KCTD8: variants seen among roughly 807,000 people sequenced by gnomAD.
The protein encoded by KCTD8 is BTB/POZ domain-containing protein KCTD8.
A neutral mutation model predicts 31.5 loss-of-function variants in KCTD8; 27 were observed. That is an observed-to-expected ratio of 0.86 (90% CI 0.63 to 1.18). The LOEUF is 1.18. Among genes scored for constraint, KCTD8 ranks in the 50% most tolerant of loss-of-function variants. The pLI is 0.00. For synonymous variants in KCTD8, 290 were observed against 280.0 expected (o/e 1.04, Z -0.36); for missense variants, 658 against 647.7 (o/e 1.02, Z -0.17).
intron 1 of KCTD8, among the ~76,000 whole-genome samples, chr4:44,308,462 G>A (rs1471948146): frequency 6.6e-6 from 1 of 151,956 alleles, no homozygotes; most frequent in East Asian, 1.9e-4. Flanking sequence ...ACAGTCACAT[G>A]TAAATAGGAA....
intron 1 of KCTD8, among the ~76,000 whole-genome samples, chr4:44,401,894 T>C (rs1184801854): frequency 6.6e-6 from 1 of 152,194 alleles, no homozygotes; most frequent in East Asian, 1.9e-4. Flanking sequence ...TTCTATTTTT[T>C]ATAGTGCCAA....
At chr4:44,319,841 TCAATAAGACTTC>T (rs950161573) in intron 1 of KCTD8, among the ~76,000 whole-genome samples, 1 of 152,070 alleles carries the variant, frequency 6.6e-6, no homozygotes, top group African/African-American at 2.4e-5. Context: ...TCTCCATGTC[TCAATAAGACTTC>T]CAATGAGAAA....
At chr4:44,429,555 T>C (rs1037837701) in intron 1 of KCTD8, among the ~76,000 whole-genome samples, 1 of 151,706 alleles carries the variant, frequency 6.6e-6, no homozygotes, top group African/African-American at 2.4e-5. Flanking sequence ...AAACAAAAAA[T>C]GAAACACTGG....
chr4:44,448,415 A>C lies in KCTD8; in HGVS notation c.109T>G (p.Cys37Gly), dbSNP rs751374319. The C allele has an allele frequency of 7.6e-6, 12 of 1,569,872 alleles. No homozygotes were observed. Among genetic ancestry groups the C allele is most frequent in the Non-Finnish European group, 1.0e-5 (12 of 1,163,474 alleles). Residue 37 changes from cysteine to glycine, a missense_variant, in exon 1 of 2, where the codon TGC becomes GGC. By Grantham distance (159) the Cys-to-Gly change is radical. Coordinates refer to ENST00000360029, the MANE Select transcript of KCTD8 (RefSeq NM_198353.3). This position sits in a 1 kb window ranked among gnomAD's most constrained non-coding sequence, Gnocchi z 4.1. ...GASAAAAPGP[C>G]APSPFPEVVE... Reference sequence around the variant, plus strand: ...ACTTCAGGGAAGGGCGAGGGTGCGCAGGGCCCCGGGGCGGCGGCGGCCGAC... The same window carrying C: ...ACTTCAGGGAAGGGCGAGGGTGCGCCGGGCCCCGGGGCGGCGGCGGCCGAC...
At chr4:44,316,689 G>A (rs1718118333) in intron 1 of KCTD8, among the ~76,000 whole-genome samples, 1 of 147,108 alleles carries the variant, frequency 6.8e-6, no homozygotes, top group Non-Finnish European at 1.5e-5. Flanking sequence ...GGTGGCTCAT[G>A]CCTGTAATCC....
chr4:44,412,732 C>CA (rs1051597372), intron 1 of KCTD8, among the ~76,000 whole-genome samples: 1 of 151,656 alleles, frequency 6.6e-6, no homozygotes, highest in Non-Finnish European at 1.5e-5. Context: ...CAATAGCCTG[C>CA]AAAAAAATAA....
chr4:44,224,411 T>C (rs116555264), intron 1 of KCTD8, among the ~76,000 whole-genome samples: 1,741 of 152,314 alleles, frequency 0.011, 12 homozygotes, highest in Non-Finnish European at 0.02. Context: ...AATGCCTTAT[T>C]CATTATACAA....
At chr4:44,315,288 A>G (rs1718073510) in intron 1 of KCTD8, among the ~76,000 whole-genome samples, 1 of 152,034 alleles carries the variant, frequency 6.6e-6, no homozygotes, top group African/African-American at 2.4e-5. Flanking sequence ...CCATTTCTTA[A>G]AAAATTTTAA....
intron 1 of KCTD8, among the ~76,000 whole-genome samples, chr4:44,366,767 A>G (rs945904796): frequency 6.6e-6 from 1 of 151,966 alleles, no homozygotes; most frequent in Non-Finnish European, 1.5e-5. Flanking sequence ...TCATTAAGCA[A>G]CACAGTCTTC....
intron 1 of KCTD8, among the ~76,000 whole-genome samples, chr4:44,266,985 C>T (rs1285700415): frequency 1.1e-4 from 16 of 151,938 alleles, no homozygotes; most frequent in Middle Eastern, 3.2e-3. Flanking sequence ...GACAGATCAA[C>T]GAGACAAAAA....
intron 1 of KCTD8, among the ~76,000 whole-genome samples, chr4:44,438,219 T>A (rs995646899): frequency 6.6e-6 from 1 of 152,210 alleles, no homozygotes; most frequent in South Asian, 2.1e-4. Context: ...ATTGAAGATA[T>A]GTCAGAGTGG....
At chr4:44,217,365 C>A (rs1714678409) in intron 1 of KCTD8, among the ~76,000 whole-genome samples, 1 of 152,028 alleles carries the variant, frequency 6.6e-6, no homozygotes, top group Non-Finnish European at 1.5e-5. Flanking sequence ...TGGAGACTGT[C>A]AAAGTGGTCT....
intron 1 of KCTD8, among the ~76,000 whole-genome samples, chr4:44,188,397 AC>A (rs1713656017): frequency 6.6e-6 from 1 of 152,178 alleles, no homozygotes; most frequent in Non-Finnish European, 1.5e-5. Flanking sequence ...TGAAGTTCTG[AC>A]ATGTATTAGC....
intron 1 of KCTD8, among the ~76,000 whole-genome samples, chr4:44,417,091 G>A (rs965180245): frequency 2.6e-5 from 4 of 152,122 alleles, no homozygotes; most frequent in Non-Finnish European, 4.4e-5. Context: ...AGTTAATAAG[G>A]AGCTAGAAGT....
chr4:44,193,202 T>C (rs1713817748), intron 1 of KCTD8, among the ~76,000 whole-genome samples: 1 of 152,208 alleles, frequency 6.6e-6, no homozygotes, highest in Non-Finnish European at 1.5e-5. Context: ...ATTTAATATT[T>C]ATTGAATACT....
At chr4:44,272,347 A>G (rs547985639) in intron 1 of KCTD8, among the ~76,000 whole-genome samples, 90 of 151,960 alleles carry the variant, frequency 5.9e-4, no homozygotes, top group African/African-American at 1.9e-3. Flanking sequence ...ATTTTTTTAA[A>G]AAAGTACTTC....
intron 1 of KCTD8, among the ~76,000 whole-genome samples, chr4:44,372,894 C>T (rs1466126129): frequency 6.6e-6 from 1 of 152,144 alleles, no homozygotes; most frequent in African/African-American, 2.4e-5. Context: ...TAATTAAAAT[C>T]CCAGCTGTAT....
intron 1 of KCTD8, among the ~76,000 whole-genome samples, chr4:44,242,332 A>C (rs1166010712): frequency 6.6e-6 from 1 of 151,798 alleles, no homozygotes; most frequent in African/African-American, 2.4e-5. Flanking sequence ...TAATCCCAGC[A>C]CTTTGGGAGG....
chr4:44,242,579 AAAACAAAC>A (rs150893355), intron 1 of KCTD8, among the ~76,000 whole-genome samples: 12 of 151,514 alleles, frequency 7.9e-5, no homozygotes, highest in South Asian at 4.1e-4. Flanking sequence ...TTCCGTCTCA[AAAACAAAC>A]AAACAAACAA....
Sources: allele counts gnomAD v4.1 joint callset (sites outside exome capture counted in the v4.1 genomes callset), GRCh38; gene constraint gnomAD v4.1.1; non-coding constraint Gnocchi (gnomAD v3.1); transcripts MANE v1.5; gene names NCBI Gene and HGNC (gene_info 2026-07-23, HGNC 2026-07-21).